Variants in FKBP1A observed in about 807,000 individuals in gnomAD.
FKBP1A encodes FKBP prolyl isomerase 1A, also known as peptidyl-prolyl cis-trans isomerase FKBP1A.
FKBP1A carries 5 observed loss-of-function variants against 14.2 expected under a neutral mutation model. The ratio of observed to expected loss-of-function variants is 0.35; its 90% confidence interval spans 0.18 to 0.74. The LOEUF (loss-of-function observed/expected upper bound fraction) is 0.74, where lower values mean the gene tolerates loss of function less well. FKBP1A is among the 30% of genes least tolerant of loss of function. The pLI, the probability that FKBP1A is intolerant of heterozygous loss-of-function variation, is 0.56. For missense variants in FKBP1A, 53 were observed against 138.8 expected (o/e 0.38, Z 3.10); for synonymous variants, 42 against 49.1 (o/e 0.86, Z 0.60).
chr20:1,369,665 TTAATATA>T lies in FKBP1A; in HGVS notation c.*437_*443del, dbSNP rs1423199509. 1 of 178,570 alleles carries T rather than the reference TTAATATA, an allele frequency of 5.6e-6. No individual in the cohort carries two copies. Among genetic ancestry groups the T allele is most frequent in the Non-Finnish European group, 1.3e-5 (1 of 75,362 alleles). The allele number at this position is 178,570 out of a possible 1,614,324, so 11.1% of individuals were successfully genotyped here. On this transcript the variant is annotated 3_prime_UTR_variant, in exon 5 of 5. Coordinates refer to ENST00000400137, the MANE Select transcript of FKBP1A (RefSeq NM_000801.5). ...CTTTGCAGCGCAGCAGCAAGAATGT[TTAATATA>T]TAATAGATAAAAATTTCATCCAAAA...
chr20:1,392,749 C>T, intron 2 of FKBP1A, 85 bp downstream of exon 2: 2 of 1,042,586 alleles, frequency 1.9e-6, no homozygotes, highest in Non-Finnish European at 2.5e-6. Flanking sequence ...GACCCCAGGC[C>T]CCGGGCCCCC....
At chr20:1,385,368 C>A (rs931682005) in intron 2 of FKBP1A, among the ~76,000 whole-genome samples, 5 of 152,164 alleles carry the variant, frequency 3.3e-5, no homozygotes, top group African/African-American at 7.2e-5. Flanking sequence ...CCAGCCTGGG[C>A]GACAGAGTGA....
chr20:1,372,606 C>T (rs2089482127), intron 3 of FKBP1A, among the ~76,000 whole-genome samples: 1 of 152,134 alleles, frequency 6.6e-6, no homozygotes, highest in Non-Finnish European at 1.5e-5. Flanking sequence ...ATGTTAAGTG[C>T]CATCTATGCT....
chr20:1,369,983 G>A lies in FKBP1A; in HGVS notation c.*126C>T. ...CAGAACACATTCAGTCAGGGCAGATGTCTATACAAAGTGGAGTGGAACATC... is the reference window on the plus strand; with the variant it reads ...CAGAACACATTCAGTCAGGGCAGATATCTATACAAAGTGGAGTGGAACATC... On this transcript the variant is annotated 3_prime_UTR_variant, in exon 5 of 5. Transcript: ENST00000400137. The A allele has an allele frequency of 6.5e-7, 1 of 1,544,272 alleles. No homozygotes were observed. The highest frequency in any genetic ancestry group is 1.2e-5 in the South Asian group (1 of 83,522).
At chr20:1,376,280 C>G (rs2089542731) in intron 2 of FKBP1A, among the ~76,000 whole-genome samples, 1 of 152,196 alleles carries the variant, frequency 6.6e-6, no homozygotes, top group Non-Finnish European at 1.5e-5. Flanking sequence ...TAAAGCTGGC[C>G]CCTTGTAGGC....
At position 1,369,958 on chromosome 20, in the gene FKBP1A, C is replaced by G. The variant is rs2089440412; in HGVS notation, c.*151G>C. The G allele has an allele frequency of 6.7e-7, 1 of 1,495,078 alleles. No homozygotes were observed. The highest frequency in any genetic ancestry group is 1.4e-5 in the African/African-American group (1 of 71,390). 92.6% of individuals were successfully genotyped at this position (1,495,078 alleles called of 1,614,324 possible). On this transcript the variant is annotated 3_prime_UTR_variant, in exon 5 of 5. Coordinates refer to ENST00000400137, the MANE Select transcript of FKBP1A (RefSeq NM_000801.5). ...AGGTGTCGGAAGCAAAGCTGAGTGA[C>G]AGAACACATTCAGTCAGGGCAGATG...
Position 1,372,075 on chromosome 20 carries a change from C to T in FKBP1A, c.*36+1G>A. The stretch of plus-strand genomic sequence containing the variant: ...GGCCCTTCAGTATTCCATTTCCTTA[C>T]CCAAGAACAGGGAGCTAAGGGAGGA... On this transcript the variant is annotated splice_donor_variant, in intron 4 of 4. Transcript: ENST00000400137. LOFTEE classifies it low-confidence loss of function (3UTR_SPLICE). The T allele has an allele frequency of 6.2e-7, 1 of 1,611,868 alleles. No homozygotes were observed. The highest frequency in any genetic ancestry group is 8.5e-7 in the Non-Finnish European group (1 of 1,178,884).
At chr20:1,390,046 G>A (rs1182682327) in intron 2 of FKBP1A, among the ~76,000 whole-genome samples, 1 of 152,188 alleles carries the variant, frequency 6.6e-6, no homozygotes, top group Non-Finnish European at 1.5e-5. Flanking sequence ...TCACCAGAGG[G>A]ACCCTTGAGA....
chr20:1,375,354 G>C, intron 3 of FKBP1A, 137 bp downstream of exon 3: 1 of 637,182 alleles, frequency 1.6e-6, no homozygotes, highest in Non-Finnish European at 2.8e-6. Context: ...CTTCTTGTGG[G>C]GGTATTGGTC....
intron 2 of FKBP1A, chr20:1,391,787 C>G: frequency 2.6e-6 from 1 of 386,398 alleles, no homozygotes; most frequent in Non-Finnish European, 4.5e-6. Flanking sequence ...GGAGGGGGAA[C>G]AGAGGAAAGG....
chr20:1,389,457 G>T (rs1040881746), intron 2 of FKBP1A, among the ~76,000 whole-genome samples: 2 of 152,174 alleles, frequency 1.3e-5, no homozygotes, highest in African/African-American at 4.8e-5. Context: ...TAAAGCAGAG[G>T]AGAGGGGGGA....
rs1293794201 is a variant in FKBP1A at position 1,386,843 on chromosome 20, C to T, written c.85+5991G>A. Reference sequence around the variant, plus strand: ...CCCGACTTTCTGCACTGCTAGAATACACCTGGTCAAAATCAAAGGGGTCCA... The same window carrying T: ...CCCGACTTTCTGCACTGCTAGAATATACCTGGTCAAAATCAAAGGGGTCCA... On this transcript the variant is annotated intron_variant, in intron 2 of 4. Coordinates refer to ENST00000400137, the MANE Select transcript of FKBP1A (RefSeq NM_000801.5). The surrounding 1 kb of genome is among the most constrained non-coding windows in gnomAD (Gnocchi z 4.7). 6.6e-6 allele frequency among the ~76,000 whole-genome samples: 1 copy of T among 152,164 alleles called. No individual in the cohort carries two copies. The highest frequency in any genetic ancestry group is 1.9e-4 in the East Asian group (1 of 5,200).
intron 2 of FKBP1A, among the ~76,000 whole-genome samples, chr20:1,384,875 A>G (rs181851676): frequency 1.3e-5 from 2 of 152,304 alleles, no homozygotes; most frequent in African/African-American, 4.8e-5. Context: ...CAGTATGGAA[A>G]TGCTTCTAAC....
chr20:1,392,648 C>A (rs903665970), intron 2 of FKBP1A, among the ~76,000 whole-genome samples, 186 bp downstream of exon 2: 1 of 152,112 alleles, frequency 6.6e-6, no homozygotes, highest in East Asian at 1.9e-4. Context: ...CGATTCAGAC[C>A]CGCCCGGGTT....
intron 2 of FKBP1A, among the ~76,000 whole-genome samples, chr20:1,381,969 G>A (rs912365372): frequency 1.3e-5 from 2 of 152,112 alleles, no homozygotes; most frequent in Admixed American, 6.6e-5. Context: ...TTATGAAGCT[G>A]TACATTTTTA....
At chr20:1,389,509 C>A (rs2089708513) in intron 2 of FKBP1A, among the ~76,000 whole-genome samples, 1 of 152,110 alleles carries the variant, frequency 6.6e-6, no homozygotes, top group African/African-American at 2.4e-5. Context: ...GAGGCTGCAG[C>A]AAAGTGGCCA....
intron 4 of FKBP1A, 179 bp downstream of exon 4, chr20:1,371,897 C>A: frequency 7.3e-7 from 1 of 1,362,758 alleles, no homozygotes; most frequent in Non-Finnish European, 9.4e-7. Context: ...CTTAGGGTGA[C>A]CAATTTTTAC....
At position 1,386,819 on chromosome 20, in the gene FKBP1A, C is replaced by G. The variant is rs2089673292; in HGVS notation, c.85+6015G>C. On this transcript the variant is annotated intron_variant, in intron 2 of 4. Transcript: ENST00000400137. The surrounding 1 kb of genome is among the most constrained non-coding windows in gnomAD (Gnocchi z 4.7). ...CTAAGAACTGGTTATTTCTACCTCCCCGACTTTCTGCACTGCTAGAATACA... is the reference window on the plus strand; with the variant it reads ...CTAAGAACTGGTTATTTCTACCTCCGCGACTTTCTGCACTGCTAGAATACA... 6.6e-6 allele frequency among the ~76,000 whole-genome samples: 1 copy of G among 152,164 alleles called. No individual in the cohort carries two copies. Among genetic ancestry groups the G allele is most frequent in the South Asian group, 2.1e-4 (1 of 4,828 alleles).
chr20:1,375,281 A>G, intron 3 of FKBP1A: 2 of 595,338 alleles, frequency 3.4e-6, no homozygotes, highest in Non-Finnish European at 6.0e-6. Flanking sequence ...GTGTGAAAGC[A>G]AGAAAAAAGT....
Sources: allele counts gnomAD v4.1 joint callset (sites outside exome capture counted in the v4.1 genomes callset), GRCh38; gene constraint gnomAD v4.1.1; non-coding constraint Gnocchi (gnomAD v3.1); transcripts MANE v1.5; gene names NCBI Gene and HGNC (gene_info 2026-07-23, HGNC 2026-07-21).